Variants in SCN9A observed in about 807,000 individuals in gnomAD.
SCN9A encodes sodium voltage-gated channel alpha subunit 9, also known as sodium channel protein type 9 subunit alpha.
SCN9A carries 131 observed loss-of-function variants against 187.0 expected under a neutral mutation model. That is an observed-to-expected ratio of 0.70 (90% CI 0.61 to 0.81). SCN9A has a LOEUF of 0.81. SCN9A is among the 30% of genes least tolerant of loss of function. SCN9A has a pLI of 0.00. For synonymous variants in SCN9A, 809 were observed against 808.6 expected (o/e 1.00, Z -0.01); for missense variants, 2,252 against 2,396.6 (o/e 0.94, Z 1.26).
chr2:166,198,180 TA>T lies in SCN9A; in HGVS notation c.*491del, dbSNP rs886055047. 1 of 155,824 alleles carries T rather than the reference TA, an allele frequency of 6.4e-6. No homozygotes were observed. The highest frequency in any genetic ancestry group is 1.9e-4 in the East Asian group (1 of 5,322). The allele number at this position is 155,824 out of a possible 1,614,324, so 9.7% of individuals were successfully genotyped here. A position where few individuals can be genotyped will look rare whatever the true frequency, so the allele number is the denominator to read the frequency against. ...TACATTGATAAAAAGTCAAGCTCCC[TA>T]ATAATGCATTTTAACTAAACATTCA... On this transcript the variant is annotated 3_prime_UTR_variant, in exon 27 of 27. Transcript: ENST00000642356.
chr2:166,248,394 T>G (rs1695887216), intron 18 of SCN9A: 1 of 152,116 alleles, frequency 6.6e-6, no homozygotes, highest in East Asian at 1.9e-4. Flanking sequence ...AACAAATCCC[T>G]TCAGCTCTAA....
intron 17 of SCN9A, among the ~76,000 whole-genome samples, chr2:166,262,596 T>C (rs1216055929): frequency 4.6e-5 from 7 of 151,914 alleles, no homozygotes; most frequent in Non-Finnish European, 1.0e-4. Context: ...CAGAAAACAA[T>C]TATACTACTA....
intron 2 of SCN9A, among the ~76,000 whole-genome samples, chr2:166,307,564 G>A (rs1373298354): frequency 6.6e-6 from 1 of 152,126 alleles, no homozygotes; most frequent in Non-Finnish European, 1.5e-5. Flanking sequence ...ATTTTCCTAA[G>A]TTGAAGGAAC....
At chr2:166,366,592 C>T (rs943511064) in intron 1 of SCN9A, among the ~76,000 whole-genome samples, 5 of 152,194 alleles carry the variant, frequency 3.3e-5, no homozygotes, top group Non-Finnish European at 5.9e-5. Context: ...AGCAGCTACA[C>T]TATTATACAT....
intron 1 of SCN9A, among the ~76,000 whole-genome samples, chr2:166,320,106 A>G (rs1007965263): frequency 6.6e-6 from 1 of 152,152 alleles, no homozygotes; most frequent in African/African-American, 2.4e-5. Context: ...AATGAGACAT[A>G]AGCATATTAT....
intron 10 of SCN9A, among the ~76,000 whole-genome samples, chr2:166,287,251 T>C (rs1454018005): frequency 6.6e-6 from 1 of 152,032 alleles, no homozygotes; most frequent in Non-Finnish European, 1.5e-5. Context: ...AAAAAAGTCA[T>C]CTTACCTCCC....
chr2:166,375,240 A>T (rs73025590), intron 1 of SCN9A, among the ~76,000 whole-genome samples: 2,377 of 152,270 alleles, frequency 0.016, 70 homozygotes, highest in African/African-American at 0.055. Flanking sequence ...CTGTCCCCAC[A>T]GGTTGTATCT....
At chr2:166,350,725 A>G (rs1700014039) in intron 1 of SCN9A, among the ~76,000 whole-genome samples, 1 of 152,168 alleles carries the variant, frequency 6.6e-6, no homozygotes, top group Non-Finnish European at 1.5e-5. Context: ...TTCTCTGTCA[A>G]TCATCTTGCC....
At chr2:166,212,671 C>T (rs1273972329) in intron 24 of SCN9A, among the ~76,000 whole-genome samples, 1 of 152,158 alleles carries the variant, frequency 6.6e-6, no homozygotes, top group East Asian at 1.9e-4. Context: ...TACCCAACAG[C>T]ATCTTAATAT....
intron 1 of SCN9A, among the ~76,000 whole-genome samples, chr2:166,352,599 T>C (rs2105300813): frequency 6.6e-6 from 1 of 152,358 alleles, no homozygotes; most frequent in South Asian, 2.1e-4. Flanking sequence ...GCACCTTCAT[T>C]AGACTCTTAA....
chr2:166,202,516 G>A (rs961240438), intron 26 of SCN9A, among the ~76,000 whole-genome samples: 5 of 151,438 alleles, frequency 3.3e-5, no homozygotes, highest in Non-Finnish European at 5.9e-5. Context: ...GACTTATATT[G>A]TTTTTGTCTA....
chr2:166,286,168 A>T (rs1468332388), intron 11 of SCN9A, among the ~76,000 whole-genome samples, 168 bp downstream of exon 11: 1 of 152,190 alleles, frequency 6.6e-6, no homozygotes. Context: ...ACCCAAATGG[A>T]AACCTGTGTA....
intron 1 of SCN9A, among the ~76,000 whole-genome samples, chr2:166,338,880 C>T (rs1177783540): frequency 6.6e-6 from 1 of 152,010 alleles, no homozygotes; most frequent in African/African-American, 2.4e-5. Context: ...CTCAAGGTAA[C>T]ACAGCTGTGT....
At chr2:166,368,021 C>T (rs1398717156) in intron 1 of SCN9A, among the ~76,000 whole-genome samples, 3 of 152,140 alleles carry the variant, frequency 2.0e-5, no homozygotes, top group South Asian at 4.1e-4. Context: ...TGCTTGGTAG[C>T]GTAACCACCA....
At chr2:166,279,038 G>A (rs1365342669) in intron 14 of SCN9A, among the ~76,000 whole-genome samples, 1 of 152,134 alleles carries the variant, frequency 6.6e-6, no homozygotes, top group Non-Finnish European at 1.5e-5. Context: ...AAGATTGGCA[G>A]GGAGCAGCTG....
intron 9 of SCN9A, among the ~76,000 whole-genome samples, chr2:166,292,063 T>C (rs1698097399): frequency 6.6e-6 from 1 of 151,838 alleles, no homozygotes; most frequent in African/African-American, 2.4e-5. Flanking sequence ...AAGCCAAAAT[T>C]GACAAATGGG....
intron 1 of SCN9A, among the ~76,000 whole-genome samples, chr2:166,348,506 G>A (rs946823479): frequency 2.0e-5 from 3 of 151,980 alleles, no homozygotes; most frequent in African/African-American, 7.3e-5. Flanking sequence ...TCTTTTATCT[G>A]TACTATCACA....
At chr2:166,275,446 C>T (rs373234456) in intron 16 of SCN9A, among the ~76,000 whole-genome samples, 47 of 151,600 alleles carry the variant, frequency 3.1e-4, no homozygotes, top group African/African-American at 8.2e-4. Flanking sequence ...TTAGCTGGCA[C>T]GGTAGCATGC....
chr2:166,286,051 C>G (rs1259399547), intron 11 of SCN9A, among the ~76,000 whole-genome samples: 1 of 152,114 alleles, frequency 6.6e-6, no homozygotes, highest in African/African-American at 2.4e-5. Context: ...TGTGAATGGT[C>G]TCTTTATTTC....
Sources: gnomAD v4.1 joint callset for allele counts (sites outside exome capture counted in the v4.1 genomes callset) on GRCh38, gnomAD v4.1.1 for gene constraint, MANE v1.5 for transcripts, NCBI Gene and HGNC (gene_info 2026-07-23, HGNC 2026-07-21) for gene names.